TBC1D32: variants seen among roughly 807,000 people sequenced by gnomAD.
The protein encoded by TBC1D32 is TBC1 domain family member 32.
TBC1D32 carries 151 observed loss-of-function variants against 170.3 expected under a neutral mutation model. The ratio of observed to expected loss-of-function variants is 0.89; its 90% CI spans 0.78 to 1.01. The LOEUF (loss-of-function observed/expected upper bound fraction) is 1.01, where lower values mean the gene tolerates loss of function less well. TBC1D32 is among the 50% of genes least tolerant of loss of function. TBC1D32 has a pLI of 0.00. For synonymous variants in TBC1D32, 498 were observed against 488.0 expected (o/e 1.02, Z -0.27); for missense variants, 1,464 against 1,457.1 (o/e 1.00, Z -0.08).
At chr6:121,197,421 G>A (rs939501810) in intron 22 of TBC1D32, among the ~76,000 whole-genome samples, 2 of 152,144 alleles carry the variant, frequency 1.3e-5, no homozygotes, top group South Asian at 2.1e-4. Flanking sequence ...TACCAGTTAC[G>A]ACCACGTGAC....
Position 121,217,328 on chromosome 6 carries a change from A to C in TBC1D32, c.2481+5908T>G, listed in dbSNP as rs533057746. Among the ~76,000 whole-genome samples the C allele has an allele frequency of 8.5e-4, 129 of 152,362 alleles. 2 individuals are homozygous for C. In the South Asian group the frequency reaches 0.024, roughly 28 times the overall value. The stretch of plus-strand genomic sequence containing the variant: ...CAATATACCTTTTCTGTCCTACCTC[A>C]GAAGTATATCAACTCTCCGGCTTTG... On this transcript the variant is annotated intron_variant, in intron 21 of 31. Transcript: ENST00000398212.
intron 22 of TBC1D32, among the ~76,000 whole-genome samples, chr6:121,183,392 T>C (rs900128808): frequency 1.3e-5 from 2 of 152,116 alleles, no homozygotes; most frequent in Admixed American, 6.6e-5. Context: ...TTTGTTTGCT[T>C]GCAGCAAAGC....
At chr6:121,126,610 T>C (rs1212222834) in intron 25 of TBC1D32, 149 bp from the exon 26 acceptor site, 1 of 518,292 alleles carries the variant, frequency 1.9e-6, no homozygotes, top group South Asian at 3.1e-5. Context: ...ACTGTTTTAG[T>C]ATTCATAACA....
At chr6:121,250,928 A>G (rs761970982) in intron 17 of TBC1D32, among the ~76,000 whole-genome samples, 2 of 152,166 alleles carry the variant, frequency 1.3e-5, no homozygotes, top group Non-Finnish European at 2.9e-5. Context: ...AGGCATTCCT[A>G]TACACCAATA....
intron 15 of TBC1D32, among the ~76,000 whole-genome samples, chr6:121,268,503 A>C (rs969811161): frequency 1.3e-5 from 2 of 152,184 alleles, no homozygotes; most frequent in African/African-American, 4.8e-5. Context: ...ACTGGAAGAA[A>C]GGGTAACAGT....
intron 31 of TBC1D32, among the ~76,000 whole-genome samples, chr6:121,088,174 C>T (rs1184066708): frequency 1.3e-5 from 2 of 151,964 alleles, no homozygotes; most frequent in Non-Finnish European, 2.9e-5. Flanking sequence ...AGGCTGGTCT[C>T]AAACCCCTGA....
At chr6:121,091,599 G>C (rs1019742156) in intron 30 of TBC1D32, among the ~76,000 whole-genome samples, 3 of 151,936 alleles carry the variant, frequency 2.0e-5, no homozygotes, top group African/African-American at 7.2e-5. Context: ...TTTTTTTCCT[G>C]TTTATTTTTT....
intron 15 of TBC1D32, among the ~76,000 whole-genome samples, chr6:121,264,005 C>T (rs1322669487): frequency 6.6e-6 from 1 of 151,976 alleles, no homozygotes; most frequent in African/African-American, 2.4e-5. Flanking sequence ...CAAATCGACA[C>T]CATAACATCA....
intron 29 of TBC1D32, among the ~76,000 whole-genome samples, chr6:121,108,880 T>A (rs1778949222): frequency 6.6e-6 from 1 of 152,170 alleles, no homozygotes; most frequent in African/African-American, 2.4e-5. Flanking sequence ...GCTAAGGATG[T>A]GCCACGCTTT....
At chr6:121,157,639 T>C (rs1044216886) in intron 24 of TBC1D32, among the ~76,000 whole-genome samples, 7 of 152,152 alleles carry the variant, frequency 4.6e-5, no homozygotes, top group African/African-American at 1.7e-4. Flanking sequence ...CGGTAGCAGG[T>C]TTTGATCTTC....
chr6:121,204,323 T>A (rs2128303447), intron 22 of TBC1D32, among the ~76,000 whole-genome samples: 1 of 151,458 alleles, frequency 6.6e-6, no homozygotes, highest in African/African-American at 2.5e-5. Flanking sequence ...TATACTATCA[T>A]CAGAGAATTC....
intron 19 of TBC1D32, 59 bp downstream of exon 19, chr6:121,241,406 T>C (rs1053695345): frequency 4.2e-5 from 60 of 1,432,582 alleles, no homozygotes; most frequent in Admixed American, 7.7e-5. Context: ...AAATTTTCAG[T>C]TGGCTTGCTC....
intron 9 of TBC1D32, among the ~76,000 whole-genome samples, chr6:121,303,197 G>A (rs945551338): frequency 4.0e-5 from 6 of 151,884 alleles, no homozygotes; most frequent in Admixed American, 6.6e-5. Flanking sequence ...TCAGGAGGAA[G>A]GCAAATGAAA....
intron 20 of TBC1D32, among the ~76,000 whole-genome samples, chr6:121,235,663 C>T (rs143796110): frequency 1.2e-3 from 181 of 152,328 alleles, no homozygotes; most frequent in African/African-American, 4.3e-3. Flanking sequence ...GAGAACTTGA[C>T]CCAGACCACA....
At chr6:121,206,500 G>A (rs1199881057) in intron 21 of TBC1D32, among the ~76,000 whole-genome samples, 2 of 152,062 alleles carry the variant, frequency 1.3e-5, no homozygotes, top group East Asian at 3.9e-4. Flanking sequence ...ATTAAAAAAA[G>A]AGGCAAAGGA....
At chr6:121,299,806 T>C (rs1369468482) in intron 9 of TBC1D32, among the ~76,000 whole-genome samples, 1 of 152,068 alleles carries the variant, frequency 6.6e-6, no homozygotes, top group Non-Finnish European at 1.5e-5. Context: ...CAAAAAAGTA[T>C]ACCTATGACA....
At chr6:121,087,679 A>G (rs1235467579) in intron 31 of TBC1D32, among the ~76,000 whole-genome samples, 1 of 152,216 alleles carries the variant, frequency 6.6e-6, no homozygotes, top group African/African-American at 2.4e-5. Context: ...ACTCATTTAT[A>G]ACAGTCAGAT....
At chr6:121,273,297 A>G (rs555165515) in intron 15 of TBC1D32, among the ~76,000 whole-genome samples, 1 of 151,712 alleles carries the variant, frequency 6.6e-6, no homozygotes, top group South Asian at 2.1e-4. Flanking sequence ...ACACCATGGA[A>G]TACTATGCAG....
At chr6:121,265,842 A>C (rs1800405115) in intron 15 of TBC1D32, among the ~76,000 whole-genome samples, 1 of 152,198 alleles carries the variant, frequency 6.6e-6, no homozygotes, top group Non-Finnish European at 1.5e-5. Flanking sequence ...CCTATCTAAT[A>C]AATGGTGGTG....
Sources: allele counts gnomAD v4.1 joint callset (sites outside exome capture counted in the v4.1 genomes callset), GRCh38; gene constraint gnomAD v4.1.1; transcripts MANE v1.5; gene names NCBI Gene and HGNC (gene_info 2026-07-23, HGNC 2026-07-21).